Variants in DNAI4 observed in about 807,000 individuals in gnomAD.
DNAI4 encodes the protein dynein axonemal intermediate chain 4, also known as WD repeat domain 78.
Under a neutral mutation model 105.8 loss-of-function variants are expected in DNAI4, and 85 were observed. The observed-to-expected ratio is 0.80, with a 90% confidence interval of 0.67 to 0.96. The LOEUF is 0.96. DNAI4 is among the 40% of genes least tolerant of loss of function. DNAI4 has a pLI of 0.00. For missense variants in DNAI4, 1,014 were observed against 1,005.6 expected, an observed-to-expected ratio of 1.01 and a Z score of -0.11; for synonymous variants, 352 against 331.5, an observed-to-expected ratio of 1.06 and a Z score of -0.67.
chr1:66,836,140 A>AAAAGAAAGAAAG (rs1165479234), intron 10 of DNAI4, among the ~76,000 whole-genome samples: 5 of 96,008 alleles, frequency 5.2e-5, no homozygotes, highest in Non-Finnish European at 1.0e-4. Context: ...AGAAAGAAAG[A>AAAAGAAAGAAAG]AAAGAAAGAA....
chr1:66,865,120 T>C (rs1209740180), intron 6 of DNAI4, among the ~76,000 whole-genome samples: 1 of 152,030 alleles, frequency 6.6e-6, no homozygotes, highest in East Asian at 1.9e-4. Context: ...GCAAATTAAG[T>C]AAATATTAAG....
At chr1:66,900,193 C>T (rs982373920) in intron 2 of DNAI4, among the ~76,000 whole-genome samples, 1 of 152,166 alleles carries the variant, frequency 6.6e-6, no homozygotes, top group African/African-American at 2.4e-5. Context: ...CCTCTGCCTT[C>T]CAAGTTCAAG....
chr1:66,848,205 C>T lies in DNAI4; in HGVS notation c.1097-527G>A, dbSNP rs188640858. 543 of 455,716 alleles carry T rather than the reference C, an allele frequency of 1.2e-3. 5 individuals carry two copies. Among genetic ancestry groups the T allele is most frequent in the African/African-American group, 0.011 (527 of 50,094 alleles). 28.2% of individuals were successfully genotyped at this position (455,716 alleles called of 1,614,324 possible). On this transcript the variant is annotated intron_variant, in intron 7 of 16. Coordinates refer to ENST00000371026, the MANE Select transcript of DNAI4 (RefSeq NM_024763.5). ...GGAGAATTTGTTTCCTTGATTTTTTCAGTTTCTGGGGGCCACCACAACCTT... is the reference window on the plus strand; with the variant it reads ...GGAGAATTTGTTTCCTTGATTTTTTTAGTTTCTGGGGGCCACCACAACCTT...
chr1:66,883,071 C>T (rs1647111320), intron 4 of DNAI4, among the ~76,000 whole-genome samples: 1 of 150,740 alleles, frequency 6.6e-6, no homozygotes, highest in African/African-American at 2.4e-5. Context: ...ATTTCAAAGT[C>T]TAGTAGTTCG....
chr1:66,916,784 T>C (rs1336911131), intron 1 of DNAI4, among the ~76,000 whole-genome samples: 2 of 152,306 alleles, frequency 1.3e-5, no homozygotes, highest in African/African-American at 4.8e-5. Context: ...TAAAATTTTA[T>C]AGTTTATAAA....
chr1:66,870,201 T>C (rs2100651037), intron 6 of DNAI4, among the ~76,000 whole-genome samples: 1 of 152,232 alleles, frequency 6.6e-6, no homozygotes, highest in Non-Finnish European at 1.5e-5. Context: ...CCCAGCACTC[T>C]GGGAGGTCGA....
intron 1 of DNAI4, among the ~76,000 whole-genome samples, chr1:66,912,130 G>A (rs990128574): frequency 2.0e-5 from 3 of 152,156 alleles, no homozygotes; most frequent in East Asian, 1.9e-4. Flanking sequence ...ATAAGCCAGC[G>A]TTCCCAGCTG....
intron 4 of DNAI4, among the ~76,000 whole-genome samples, chr1:66,876,378 T>C (rs183490736): frequency 4.6e-5 from 7 of 152,302 alleles, no homozygotes; most frequent in Admixed American, 2.6e-4. Flanking sequence ...TTTAGTTATA[T>C]AAACTTCAAA....
chr1:66,868,232 T>C (rs1410955280), intron 6 of DNAI4, among the ~76,000 whole-genome samples: 2 of 152,234 alleles, frequency 1.3e-5, no homozygotes, highest in East Asian at 3.8e-4. Context: ...GATTAGTCTA[T>C]ATTTTCTTTG....
At chr1:66,859,018 A>G (rs912316213) in intron 7 of DNAI4, among the ~76,000 whole-genome samples, 1 of 152,178 alleles carries the variant, frequency 6.6e-6, no homozygotes, top group African/African-American at 2.4e-5. Context: ...TTAAAAATGT[A>G]TCATCTATGA....
rs768579342 is a variant in DNAI4 at position 66,847,698 on chromosome 1, T to C, written c.1097-20A>G. 2.6e-6 allele frequency: 4 copies of C among 1,522,392 alleles called. No individual in the cohort carries two copies. The African/African-American group carries it at 4.2e-5, about 16-fold the overall frequency. The allele number at this position is 1,522,392 out of a possible 1,614,324, so 94.3% of individuals were successfully genotyped here. A position where few individuals can be genotyped will look rare whatever the true frequency, so the allele number is the denominator to read the frequency against. ...CACTATCTACAAAATACAAACATGA[T>C]ACAATGATAAAATATTCAAATGGAT... On this transcript the variant is annotated intron_variant, in intron 7 of 16. Transcript: ENST00000371026.
rs572608555 is a variant in DNAI4 at position 66,827,192 on chromosome 1, C to G, written c.2113-146G>C. On this transcript the variant is annotated intron_variant, in intron 14 of 16. Transcript: ENST00000371026. ...ATTATTTTAGTTGAGAATAAGATCA[C>G]AGATTGAATCTTCCCTAAATTATTA... 1.5e-4 allele frequency: 93 copies of G among 634,702 alleles called. No homozygotes were observed. In the African/African-American group the frequency reaches 1.7e-3, roughly 11 times the overall value. The allele number at this position is 634,702 out of a possible 1,614,324, so 39.3% of individuals were successfully genotyped here.
chr1:66,858,736 T>A (rs765191562), intron 7 of DNAI4, among the ~76,000 whole-genome samples: 24 of 151,970 alleles, frequency 1.6e-4, no homozygotes, highest in Non-Finnish European at 3.5e-4. Context: ...ACAGAAAAAG[T>A]ACTTGACGAA....
intron 2 of DNAI4, among the ~76,000 whole-genome samples, chr1:66,898,205 G>A (rs1648503131): frequency 6.6e-6 from 1 of 152,080 alleles, no homozygotes; most frequent in African/African-American, 2.4e-5. Context: ...CCCCATGTCT[G>A]TCCAACCATT....
intron 3 of DNAI4, among the ~76,000 whole-genome samples, chr1:66,892,988 A>G (rs1239094683): frequency 1.2e-4 from 15 of 123,966 alleles, no homozygotes; most frequent in African/African-American, 4.5e-4. Context: ...AAAGAAAGAA[A>G]GAAAGAAAGA....
At chr1:66,825,280 C>A (rs1021667158) in intron 15 of DNAI4, among the ~76,000 whole-genome samples, 16 of 149,936 alleles carry the variant, frequency 1.1e-4, no homozygotes, top group African/African-American at 3.7e-4. Flanking sequence ...CCCGGGTTCA[C>A]GCCATTCTCC....
intron 2 of DNAI4, among the ~76,000 whole-genome samples, chr1:66,895,520 C>A (rs1648248750): frequency 6.6e-6 from 1 of 152,158 alleles, no homozygotes; most frequent in African/African-American, 2.4e-5. Context: ...CTATTTGTTG[C>A]TAACAAATAT....
intron 4 of DNAI4, among the ~76,000 whole-genome samples, chr1:66,886,137 G>C (rs1305577154): frequency 6.6e-6 from 1 of 152,086 alleles, no homozygotes; most frequent in Non-Finnish European, 1.5e-5. Context: ...GGCTATCAAA[G>C]ATATTCTTCA....
intron 9 of DNAI4, among the ~76,000 whole-genome samples, chr1:66,838,661 A>T (rs996798924): frequency 1.3e-5 from 2 of 152,226 alleles, no homozygotes; most frequent in Non-Finnish European, 2.9e-5. Flanking sequence ...ATATTTTCTT[A>T]TCACCACCTT....
Sources: gnomAD v4.1 joint callset for allele counts (sites outside exome capture counted in the v4.1 genomes callset) on GRCh38, gnomAD v4.1.1 for gene constraint, MANE v1.5 for transcripts, NCBI Gene and HGNC (gene_info 2026-07-23, HGNC 2026-07-21) for gene names.